AHI1: variants seen among roughly 807,000 people sequenced by gnomAD.
The protein encoded by AHI1 is jouberin.
A neutral mutation model predicts 149.3 loss-of-function variants in AHI1; 123 were observed. The observed-to-expected ratio is 0.82, with a 90% CI of 0.71 to 0.96. The LOEUF is 0.96. AHI1 is among the 40% of genes least tolerant of loss of function. The pLI is 0.00. For synonymous variants in AHI1, 475 were observed against 459.8 expected, an observed-to-expected ratio of 1.03 and a Z score of -0.42; for missense variants, 1,439 against 1,422.7, an observed-to-expected ratio of 1.01 and a Z score of -0.18.
intron 21 of AHI1, among the ~76,000 whole-genome samples, chr6:135,406,187 C>T (rs1341957944): frequency 2.6e-5 from 4 of 152,230 alleles, no homozygotes; most frequent in African/African-American, 9.6e-5. Flanking sequence ...ACCTTGAGAA[C>T]ATCGGTATAT....
intron 24 of AHI1, among the ~76,000 whole-genome samples, chr6:135,354,865 A>C (rs1337951710): frequency 2.6e-5 from 4 of 152,164 alleles, no homozygotes; most frequent in African/African-American, 7.2e-5. Context: ...TTAACCATCA[A>C]ATCTGACCTA....
intron 14 of AHI1, 85 bp from the exon 15 acceptor site, chr6:135,438,583 G>A (rs1785772090): frequency 9.2e-7 from 1 of 1,090,486 alleles, no homozygotes; most frequent in Non-Finnish European, 1.2e-6. Context: ...ATATTATTTA[G>A]ACATAAGCAG....
chr6:135,466,509 C>T (rs966761309), intron 6 of AHI1, 136 bp from the exon 7 acceptor site: 106 of 784,578 alleles, frequency 1.4e-4, no homozygotes, highest in Middle Eastern at 1.1e-3. Context: ...CATAGTGACA[C>T]TATTTTAGAG....
intron 26 of AHI1, among the ~76,000 whole-genome samples, chr6:135,313,509 T>C (rs1785500319): frequency 6.6e-6 from 1 of 152,204 alleles, no homozygotes; most frequent in African/African-American, 2.4e-5. Context: ...GGGATTAGCC[T>C]GAAGTAGACC....
intron 26 of AHI1, among the ~76,000 whole-genome samples, chr6:135,304,022 T>C (rs1025234642): frequency 2.0e-5 from 3 of 152,206 alleles, no homozygotes; most frequent in Non-Finnish European, 4.4e-5. Context: ...TGTATGTATG[T>C]ATATATTTGT....
rs572730915 is a variant in AHI1, at chr6:135,465,720, G to A, written c.749+94C>T. 1.2e-5 allele frequency: 13 copies of A among 1,069,524 alleles called. No individual in the cohort carries two copies. The South Asian group carries it at 2.8e-4, about 23-fold the overall frequency. 66.3% of individuals were successfully genotyped at this position (1,069,524 alleles called of 1,614,324 possible). On this transcript the variant is annotated intron_variant, in intron 7 of 28. Coordinates refer to ENST00000265602, the MANE Select transcript of AHI1 (RefSeq NM_001134831.2). ...ACAATGTCTCCAAATAAAAGCGTAA[G>A]AATTTTCTTTGTTAAACCACAGATA...
chr6:135,349,022 A>C (rs1180852842), intron 24 of AHI1, among the ~76,000 whole-genome samples: 2 of 152,196 alleles, frequency 1.3e-5, no homozygotes, highest in Non-Finnish European at 2.9e-5. Flanking sequence ...GTTATGTTCA[A>C]TAACAAACAA....
intron 3 of AHI1, among the ~76,000 whole-genome samples, chr6:135,494,462 T>G (rs2128139136): frequency 6.6e-6 from 1 of 152,376 alleles, no homozygotes; most frequent in Non-Finnish European, 1.5e-5. Flanking sequence ...CAGTTCTATC[T>G]GCCAGCAGAT....
At chr6:135,473,506 A>T (rs937922244) in intron 5 of AHI1, among the ~76,000 whole-genome samples, 2 of 152,140 alleles carry the variant, frequency 1.3e-5, no homozygotes, top group African/African-American at 4.8e-5. Flanking sequence ...GACATATCTA[A>T]CTGTAATTGC....
chr6:135,348,297 T>C (rs1791561526), intron 24 of AHI1, among the ~76,000 whole-genome samples: 1 of 152,222 alleles, frequency 6.6e-6, no homozygotes, highest in Admixed American at 6.5e-5. Context: ...TAATGCTCCA[T>C]AATAATGTGT....
chr6:135,364,064 G>A (rs1420501626), intron 23 of AHI1, among the ~76,000 whole-genome samples: 3 of 146,420 alleles, frequency 2.0e-5, no homozygotes, highest in Non-Finnish European at 4.5e-5. Flanking sequence ...CTGGCCGGGC[G>A]GGGGGCTGAC....
chr6:135,371,720 A>G (rs1287607556), intron 23 of AHI1, among the ~76,000 whole-genome samples: 1 of 152,230 alleles, frequency 6.6e-6, no homozygotes, highest in Non-Finnish European at 1.5e-5. Context: ...AAAGATCTAC[A>G]AAGACTAAGA....
At chr6:135,390,485 G>A (rs139914989) in intron 23 of AHI1, among the ~76,000 whole-genome samples, 155 of 152,056 alleles carry the variant, frequency 1.0e-3, no homozygotes, top group African/African-American at 3.5e-3. Context: ...TAGCCAGAGG[G>A]CCCACTTAGC....
At chr6:135,490,787 A>G (rs780780199) in intron 4 of AHI1, 40 bp from the exon 5 acceptor site, 12 of 1,605,876 alleles carry the variant, frequency 7.5e-6, no homozygotes, top group Middle Eastern at 1.7e-4. Flanking sequence ...AAATGACTCT[A>G]TCATAACACA....
At chr6:135,361,614 T>C (rs982344232) in intron 23 of AHI1, among the ~76,000 whole-genome samples, 17 of 151,318 alleles carry the variant, frequency 1.1e-4, no homozygotes, top group Non-Finnish European at 2.2e-4. Context: ...ATTTTCTTTT[T>C]AGTTTAATCA....
chr6:135,476,845 T>A (rs1007095496), intron 5 of AHI1, among the ~76,000 whole-genome samples: 7 of 152,206 alleles, frequency 4.6e-5, no homozygotes, highest in African/African-American at 1.7e-4. Flanking sequence ...AATATTAACC[T>A]ACCTATGCCC....
Position 135,430,000 on chromosome 6 carries a change from C to T in AHI1, c.2374G>A (p.Glu792Lys). 6.7e-7 allele frequency: 1 copy of T among 1,490,716 alleles called. No individual in the cohort carries two copies. The highest frequency in any genetic ancestry group is 9.1e-7 in the Non-Finnish European group (1 of 1,097,804). The allele number at this position is 1,490,716 out of a possible 1,614,324, so 92.3% of individuals were successfully genotyped here. A position where few individuals can be genotyped will look rare whatever the true frequency, so the allele number is the denominator to read the frequency against. Residue 792 changes from glutamate to lysine, a missense_variant and splice_region_variant, in exon 18 of 29, where the codon GAA (glutamate) becomes AAA (lysine). Physicochemically the swap from Glu to Lys is moderately conservative, Grantham distance 56 (BLOSUM62 1). Transcript: ENST00000265602. ...CCCTTAAACTCAGTTTCTTTAATTT[C>T]CTAAAATGATTAAAAAAAATACTAC... ...HSVHHWTINK[E>K]IKETEFKGIP...
At chr6:135,380,739 C>G (rs543744568) in intron 23 of AHI1, among the ~76,000 whole-genome samples, 31 of 121,512 alleles carry the variant, frequency 2.6e-4, no homozygotes, top group African/African-American at 1.2e-3. Flanking sequence ...TAACCCCCCC[C>G]CCCCCAAAAA....
At chr6:135,414,087 T>C (rs1381677482) in intron 20 of AHI1, among the ~76,000 whole-genome samples, 1 of 152,122 alleles carries the variant, frequency 6.6e-6, no homozygotes, top group Non-Finnish European at 1.5e-5. Context: ...CCTATAAAGC[T>C]ACAGTAATCC....
Sources: allele counts gnomAD v4.1 joint callset (sites outside exome capture counted in the v4.1 genomes callset), GRCh38; gene constraint gnomAD v4.1.1; transcripts MANE v1.5; gene names NCBI Gene and HGNC (gene_info 2026-07-23, HGNC 2026-07-21).